Variants in BMPR1A observed in about 807,000 individuals in gnomAD.
BMPR1A encodes bone morphogenetic protein receptor type-1A.
In BMPR1A, 7 loss-of-function variants were observed where a neutral mutation model predicts 66.0. The ratio of observed to expected loss-of-function variants is 0.11; its 90% confidence interval spans 0.06 to 0.20. The LOEUF is 0.20. Among genes scored for constraint, BMPR1A ranks in the 10% least tolerant of loss-of-function variants. The pLI is 1.00. For synonymous variants in BMPR1A, 200 were observed against 229.7 expected (o/e 0.87, Z 1.17); for missense variants, 408 against 669.1 (o/e 0.61, Z 4.31).
chr10:86,789,487 C>A (rs961355434), intron 1 of BMPR1A, among the ~76,000 whole-genome samples: 1 of 151,850 alleles, frequency 6.6e-6, no homozygotes, highest in Non-Finnish European at 1.5e-5. Context: ...CTGAGGTGGG[C>A]GGATCACTTG....
At chr10:86,793,007 A>G (rs1303030112) in intron 1 of BMPR1A, among the ~76,000 whole-genome samples, 2 of 151,968 alleles carry the variant, frequency 1.3e-5, no homozygotes, top group Admixed American at 1.3e-4. Context: ...TTAATAGCCC[A>G]CTGCTTTGTT....
intron 1 of BMPR1A, among the ~76,000 whole-genome samples, chr10:86,785,705 A>C (rs1841505096): frequency 6.6e-6 from 1 of 152,200 alleles, no homozygotes; most frequent in Admixed American, 6.5e-5. Context: ...TCCATTATTG[A>C]AAGTGGGGAT....
intron 7 of BMPR1A, among the ~76,000 whole-genome samples, chr10:86,905,279 C>T (rs1310460219): frequency 6.6e-6 from 1 of 152,204 alleles, no homozygotes; most frequent in Admixed American, 6.5e-5. Flanking sequence ...GTACCATACG[C>T]CAGTTCCTGG....
chr10:86,826,781 A>G (rs926768364), intron 1 of BMPR1A, among the ~76,000 whole-genome samples: 13 of 152,010 alleles, frequency 8.6e-5, no homozygotes, highest in Non-Finnish European at 7.4e-5. Flanking sequence ...AAATTTCAAA[A>G]TAGAATTTTG....
intron 1 of BMPR1A, among the ~76,000 whole-genome samples, chr10:86,809,929 T>C (rs1229182299): frequency 6.6e-6 from 1 of 151,952 alleles, no homozygotes; most frequent in Non-Finnish European, 1.5e-5. Flanking sequence ...CTCATCCATA[T>C]AGCACGTATC....
intron 3 of BMPR1A, among the ~76,000 whole-genome samples, chr10:86,883,488 T>G (rs1169171367): frequency 7.4e-6 from 1 of 135,680 alleles, no homozygotes; most frequent in African/African-American, 2.8e-5. Flanking sequence ...AGGCGGAGCT[T>G]GTAGTGAGCC....
At chr10:86,809,250 C>T (rs1168832515) in intron 1 of BMPR1A, among the ~76,000 whole-genome samples, 2 of 152,050 alleles carry the variant, frequency 1.3e-5, no homozygotes, top group African/African-American at 2.4e-5. Context: ...ATTATCACTA[C>T]TATGTATTTT....
chr10:86,809,935 G>A (rs1048065204), intron 1 of BMPR1A, among the ~76,000 whole-genome samples: 3 of 151,372 alleles, frequency 2.0e-5, no homozygotes, highest in Non-Finnish European at 2.9e-5. Flanking sequence ...CATATAGCAC[G>A]TATCAGTACT....
chr10:86,846,742 A>G (rs749212644), intron 2 of BMPR1A, among the ~76,000 whole-genome samples: 10 of 151,814 alleles, frequency 6.6e-5, no homozygotes, highest in Non-Finnish European at 1.3e-4. Flanking sequence ...CCACACACCC[A>G]CTTGCTTCTG....
rs1257945687 is a variant in BMPR1A, at chr10:86,925,850, C to T, written c.*2131C>T. 1.2e-5 allele frequency: 2 copies of T among 161,666 alleles called. No individual in the cohort carries two copies. Among genetic ancestry groups the T allele is most frequent in the Non-Finnish European group, 2.7e-5 (2 of 74,746 alleles). The allele number at this position is 161,666 out of a possible 1,614,324, so 10.0% of individuals were successfully genotyped here. ...TCACGCCATTCTCCTGCCTCAGCCT[C>T]CCGAGTAGCTGGGACTACAGGCGCC... On this transcript the variant is annotated 3_prime_UTR_variant, in exon 13 of 13. Transcript: ENST00000372037.
chr10:86,795,177 T>A (rs1023154732), intron 1 of BMPR1A, among the ~76,000 whole-genome samples: 1 of 152,086 alleles, frequency 6.6e-6, no homozygotes, highest in Non-Finnish European at 1.5e-5. Context: ...AATCTTTATT[T>A]TTTTTTTTCT....
chr10:86,917,822 CTT>C (rs1332772130), intron 9 of BMPR1A, among the ~76,000 whole-genome samples: 5 of 152,208 alleles, frequency 3.3e-5, no homozygotes, highest in African/African-American at 1.2e-4. Flanking sequence ...CCCTTCACCT[CTT>C]GTTTTCCTCC....
intron 8 of BMPR1A, 21 bp downstream of exon 8, chr10:86,912,405 G>C: frequency 6.2e-7 from 1 of 1,613,496 alleles, no homozygotes; most frequent in Non-Finnish European, 8.5e-7. Context: ...CGTTCCTATA[G>C]ACATGAATGG....
chr10:86,901,159 C>A (rs1424406252), intron 7 of BMPR1A, among the ~76,000 whole-genome samples: 2 of 152,222 alleles, frequency 1.3e-5, no homozygotes, highest in Non-Finnish European at 2.9e-5. Flanking sequence ...CAGCCTGCAG[C>A]CTGTCGGCCT....
intron 2 of BMPR1A, chr10:86,843,325 T>C (rs955655043): frequency 6.6e-6 from 1 of 152,196 alleles, no homozygotes; most frequent in Non-Finnish European, 1.5e-5. Context: ...CTAAAGTTCT[T>C]TCTAATCTGT....
At chr10:86,794,748 T>C (rs948741533) in intron 1 of BMPR1A, among the ~76,000 whole-genome samples, 9 of 151,992 alleles carry the variant, frequency 5.9e-5, no homozygotes, top group Non-Finnish European at 1.3e-4. Context: ...AAAGATAATA[T>C]GAGAATTAAA....
intron 2 of BMPR1A, among the ~76,000 whole-genome samples, chr10:86,844,894 AGCC>A (rs1260274730): frequency 1.3e-5 from 2 of 152,140 alleles, no homozygotes; most frequent in Non-Finnish European, 2.9e-5. Context: ...CTCCTGCCTC[AGCC>A]TCCCGAGAGG....
At chr10:86,855,639 T>A in intron 2 of BMPR1A, 1 of 676,918 alleles carries the variant, frequency 1.5e-6, no homozygotes, top group South Asian at 1.9e-5. Flanking sequence ...AGTTCACATG[T>A]GGCAGCTTTC....
chr10:86,756,020 C>T (rs1041018932), upstream of BMPR1A: 4 of 152,336 alleles, frequency 2.6e-5, no homozygotes, highest in Admixed American at 2.6e-4. Context: ...TCGCAACTAC[C>T]ACGACCTGGC....
Sources: allele counts gnomAD v4.1 joint callset (sites outside exome capture counted in the v4.1 genomes callset), GRCh38; gene constraint gnomAD v4.1.1; transcripts MANE v1.5; gene names NCBI Gene and HGNC (gene_info 2026-07-23, HGNC 2026-07-21).